Variants in AKAP9 observed in about 807,000 individuals in gnomAD.
AKAP9 encodes the protein A-kinase anchor protein 9.
Under a neutral mutation model 488.5 loss-of-function variants are expected in AKAP9, and 311 were observed. The observed-to-expected ratio is 0.64, with a 90% CI of 0.58 to 0.70. The LOEUF is 0.70. Among genes scored for constraint, AKAP9 ranks in the 30% least tolerant of loss-of-function variants. AKAP9 has a pLI of 0.00. For synonymous variants in AKAP9, 1,462 were observed against 1,483.5 expected (o/e 0.99, Z 0.33); for missense variants, 4,215 against 4,374.5 (o/e 0.96, Z 1.03).
chr7:92,107,776 G>A (rs1462761839), intron 48 of AKAP9: 4 of 217,772 alleles, frequency 1.8e-5, no homozygotes, highest in Non-Finnish European at 2.8e-5. Flanking sequence ...GTGTGAACCC[G>A]GGAGGCGGAG....
intron 18 of AKAP9, 188 bp from the exon 19 acceptor site, chr7:92,041,858 G>T: frequency 1.8e-6 from 1 of 562,094 alleles, no homozygotes; most frequent in Non-Finnish European, 3.0e-6. Flanking sequence ...AGACTTAATT[G>T]GCTTTTAAAA....
intron 14 of AKAP9, among the ~76,000 whole-genome samples, chr7:92,024,119 A>G (rs963642167): frequency 6.6e-6 from 1 of 151,572 alleles, no homozygotes; most frequent in Non-Finnish European, 1.5e-5. Flanking sequence ...TATATATCAT[A>G]TATATAACTA....
In AKAP9 at chr7:92,067,575, G is replaced by C. The variant is rs1251106730; in HGVS notation, c.6330+1029G>C. ...TTGTCACTTGTTTGCCTGGATCACT[G>C]TGGTAGCCTCTTAACCAGTCTCCCT... On this transcript the variant is annotated intron_variant, in intron 26 of 49. Coordinates refer to ENST00000356239, the MANE Select transcript of AKAP9 (RefSeq NM_005751.5). 2.0e-5 allele frequency among the ~76,000 whole-genome samples: 3 copies of C among 152,276 alleles called. No homozygotes were observed. The East Asian group carries it at 5.8e-4, about 29-fold the overall frequency.
At chr7:92,057,696 T>C (rs1809028687) in intron 22 of AKAP9, 1 of 218,994 alleles carries the variant, frequency 4.6e-6, no homozygotes. Context: ...AGACTGCTGC[T>C]ATGGAGATTT....
chr7:92,014,390 C>T, intron 10 of AKAP9, 62 bp downstream of exon 10: 1 of 1,218,764 alleles, frequency 8.2e-7, no homozygotes, highest in Non-Finnish European at 1.2e-6. Flanking sequence ...AATCCCAGCA[C>T]TTTGGGAGGC....
At chr7:91,963,971 C>G (rs927756554) in intron 1 of AKAP9, among the ~76,000 whole-genome samples, 15 of 152,100 alleles carry the variant, frequency 9.9e-5, no homozygotes, top group African/African-American at 2.4e-4. Context: ...AAAGCTTACA[C>G]CTTTTCTTAT....
intron 3 of AKAP9, among the ~76,000 whole-genome samples, chr7:91,985,990 G>C (rs886364344): frequency 6.6e-6 from 1 of 152,132 alleles, no homozygotes; most frequent in South Asian, 2.1e-4. Context: ...CAGGAGGAAT[G>C]ATACCAGCTC....
At position 92,110,186 on chromosome 7, in the gene AKAP9, G is replaced by T; in HGVS notation, c.*27G>T. ...CCTTTGAAACATCATTAATTGAAGT[G>T]ATTTTAAATAGATTTCCTTTTGTAA... On this transcript the variant is annotated 3_prime_UTR_variant, in exon 50 of 50. Transcript: ENST00000356239. The T allele has an allele frequency of 6.4e-7, 1 of 1,560,496 alleles. No homozygotes were observed. The highest frequency in any genetic ancestry group is 1.1e-5 in the South Asian group (1 of 88,066).
In AKAP9 at chr7:92,052,834, T is replaced by C; in HGVS notation, c.5477T>C (p.Val1826Ala). Residue 1826 changes from valine (V) to alanine (A), a missense_variant, in exon 22 of 50, where the codon GTG (valine) becomes GCG (alanine). Val to Ala is a moderately conservative substitution (Grantham distance 64). Transcript: ENST00000356239. The part of the protein sequence containing the change: ...EEGTELSQRL[V>A]RSGFAGTEID... ...GGAACAGAGCTGTCACAACGACTTG[T>C]GAGGAGTGGTTTTGCTGGAACTGAA... 6.2e-7 allele frequency: 1 copy of C among 1,613,816 alleles called. No homozygotes were observed. The highest frequency in any genetic ancestry group is 2.2e-5 in the East Asian group (1 of 44,844).
At chr7:92,034,714 G>T (rs1804909937) in intron 16 of AKAP9, among the ~76,000 whole-genome samples, 1 of 150,164 alleles carries the variant, frequency 6.7e-6, no homozygotes, top group African/African-American at 2.4e-5. Flanking sequence ...TCATCATGTT[G>T]GCTGTAACTC....
chr7:91,977,399 AC>A (rs1245480187), intron 2 of AKAP9, among the ~76,000 whole-genome samples: 1 of 152,198 alleles, frequency 6.6e-6, no homozygotes, highest in Non-Finnish European at 1.5e-5. Flanking sequence ...TACTAAAAAT[AC>A]AAAAAATTAG....
At chr7:91,947,282 C>T (rs1584519773) in intron 1 of AKAP9, among the ~76,000 whole-genome samples, 1 of 151,860 alleles carries the variant, frequency 6.6e-6, no homozygotes, top group East Asian at 1.9e-4. Flanking sequence ...TTTATGTGTT[C>T]ATTTGTTCAA....
intron 28 of AKAP9, among the ~76,000 whole-genome samples, chr7:92,074,590 T>A (rs188528379): frequency 6.6e-6 from 1 of 152,124 alleles, no homozygotes; most frequent in Non-Finnish European, 1.5e-5. Flanking sequence ...CTATTCACAA[T>A]AGCAAAGACT....
chr7:92,104,468 G>A (rs1818201038), intron 46 of AKAP9, among the ~76,000 whole-genome samples: 1 of 152,144 alleles, frequency 6.6e-6, no homozygotes, highest in Non-Finnish European at 1.5e-5. Context: ...TGGGATTACA[G>A]GCGTGAGCCA....
chr7:91,959,189 A>T (rs573241400), intron 1 of AKAP9, among the ~76,000 whole-genome samples: 1 of 152,110 alleles, frequency 6.6e-6, no homozygotes, highest in Non-Finnish European at 1.5e-5. Context: ...TGACTTGAAA[A>T]CATTATTTTT....
chr7:91,957,950 C>T (rs1793254392), intron 1 of AKAP9, among the ~76,000 whole-genome samples: 1 of 152,006 alleles, frequency 6.6e-6, no homozygotes, highest in Non-Finnish European at 1.5e-5. Flanking sequence ...ACAGCACATG[C>T]CAAGGGTTTA....
rs1336746031 is a variant in AKAP9 at position 92,081,495 on chromosome 7, ATAT to A, written c.8020-1025_8020-1023del. On this transcript the variant is annotated intron_variant, in intron 31 of 49. Coordinates refer to ENST00000356239, the MANE Select transcript of AKAP9 (RefSeq NM_005751.5). ...AATTTATATATATATATATATATATATATTTTTTTTTTTTTAGTAGAGACGAGG... is the reference window on the plus strand; with the variant it reads ...AATTTATATATATATATATATATATATTTTTTTTTTTTAGTAGAGACGAGG... 9.0e-5 allele frequency among the ~76,000 whole-genome samples: 9 copies of A among 100,446 alleles called. No homozygotes were observed. In the East Asian group the frequency reaches 1.5e-3, roughly 16 times the overall value. The allele number at this position is 100,446 out of a possible 152,430, so 65.9% of individuals were successfully genotyped here. A position where few individuals can be genotyped will look rare whatever the true frequency, so the allele number is the denominator to read the frequency against.
In AKAP9 at chr7:92,070,885, A is replaced by T. The variant is rs374874284; in HGVS notation, c.6508-20A>T. The T allele has an allele frequency of 1.3e-3, 2,059 of 1,554,304 alleles. 3 individuals carry two copies. The highest frequency in any genetic ancestry group is 3.3e-3 in the South Asian group (277 of 83,458). ...GGATTTAATTTATCAAATTTTGAGA[A>T]AATTTTTATATATTTAAAGGTAGAG... On this transcript the variant is annotated intron_variant, in intron 27 of 49. Coordinates refer to ENST00000356239, the MANE Select transcript of AKAP9 (RefSeq NM_005751.5).
rs138253578 is a variant in AKAP9 at position 92,097,126 on chromosome 7, A to G, written c.10167A>G (p.Lys3389=). ...AAAAAGATAGGCAGGTTCACAGGAA[A>G]ACACTGCAGACAGAACAGGAGGCCA... is the stretch of plus-strand genomic sequence containing the variant. ...QMEKDRQVHR[K]TLQTEQEANT... is the part of the protein sequence containing the mutation. The change falls in exon 41 of 50, where the codon AAA becomes AAG. Residue 3389 remains lysine (K), a synonymous_variant. Coordinates refer to ENST00000356239, the MANE Select transcript of AKAP9 (RefSeq NM_005751.5). 1 of 1,614,246 alleles carries G rather than the reference A, an allele frequency of 6.2e-7. No individual in the cohort carries two copies. The highest frequency in any genetic ancestry group is 8.5e-7 in the Non-Finnish European group (1 of 1,180,042).
Sources: allele counts gnomAD v4.1 joint callset (sites outside exome capture counted in the v4.1 genomes callset), GRCh38; gene constraint gnomAD v4.1.1; transcripts MANE v1.5; gene names NCBI Gene and HGNC (gene_info 2026-07-23, HGNC 2026-07-21).